Variants in EPB41L4A observed in about 807,000 individuals in gnomAD.
EPB41L4A encodes the protein erythrocyte membrane protein band 4.1 like 4A.
In EPB41L4A, 100 loss-of-function variants were observed where a neutral mutation model predicts 108.6. The observed-to-expected ratio is 0.92, with a 90% CI of 0.78 to 1.09. The LOEUF (loss-of-function observed/expected upper bound fraction) is 1.09, where lower values mean the gene tolerates loss of function less well. EPB41L4A is among the 50% of genes least tolerant of loss of function. EPB41L4A has a pLI of 0.00. For missense variants in EPB41L4A, 1,030 were observed against 842.7 expected (o/e 1.22, Z -2.75); for synonymous variants, 319 against 289.0 (o/e 1.10, Z -1.05).
At chr5:112,167,346 T>C (rs1290510037) in intron 22 of EPB41L4A, among the ~76,000 whole-genome samples, 1 of 152,214 alleles carries the variant, frequency 6.6e-6, no homozygotes, top group African/African-American at 2.4e-5. Context: ...CTGTCAACTT[T>C]AAACCAATCG....
At chr5:112,166,077 A>T (rs1190798257) in intron 22 of EPB41L4A, among the ~76,000 whole-genome samples, 1 of 152,242 alleles carries the variant, frequency 6.6e-6, no homozygotes, top group Non-Finnish European at 1.5e-5. Flanking sequence ...AGGACCTGAA[A>T]TAAGTACTAT....
At chr5:112,210,549 G>A (rs1003697287) in intron 12 of EPB41L4A, among the ~76,000 whole-genome samples, 1 of 152,128 alleles carries the variant, frequency 6.6e-6, no homozygotes, top group Non-Finnish European at 1.5e-5. Flanking sequence ...ATCTGAAACT[G>A]AATTTTTAAA....
chr5:112,395,528 A>C (rs1002176764), intron 1 of EPB41L4A, among the ~76,000 whole-genome samples: 1 of 152,232 alleles, frequency 6.6e-6, no homozygotes, highest in Non-Finnish European at 1.5e-5. Flanking sequence ...GAGAAATGCA[A>C]ATCAAAACCA....
chr5:112,203,343 G>A (rs918071112), intron 15 of EPB41L4A, among the ~76,000 whole-genome samples: 2 of 152,112 alleles, frequency 1.3e-5, no homozygotes, highest in Non-Finnish European at 2.9e-5. Context: ...GCATCAGAGC[G>A]AGACTCCATC....
rs116279521 is a variant in EPB41L4A, at chr5:112,237,356, A to G, written c.965+2304T>C. ...AGTCCGATTTTTCCCTTAAGTAAGC[A>G]CTAGTTTTCCCAAAAAGTGCTACCG... On this transcript the variant is annotated intron_variant, in intron 11 of 22. Coordinates refer to ENST00000261486, the MANE Select transcript of EPB41L4A (RefSeq NM_022140.5). 5.6e-3 allele frequency among the ~76,000 whole-genome samples: 860 copies of G among 152,260 alleles called. 8 individuals are homozygous for G. The highest frequency in any genetic ancestry group is 0.019 in the African/African-American group (809 of 41,556).
At chr5:112,381,113 AAC>A (rs1250691113) in intron 1 of EPB41L4A, among the ~76,000 whole-genome samples, 3 of 152,220 alleles carry the variant, frequency 2.0e-5, no homozygotes, top group Non-Finnish European at 2.9e-5. Flanking sequence ...AAAATGCATG[AAC>A]AGTTACACTA....
chr5:112,247,105 T>G (rs1750294413), intron 9 of EPB41L4A, among the ~76,000 whole-genome samples: 1 of 152,094 alleles, frequency 6.6e-6, no homozygotes, highest in Admixed American at 6.5e-5. Flanking sequence ...ACGACTTGTT[T>G]CTCAGAACAT....
intron 12 of EPB41L4A, among the ~76,000 whole-genome samples, chr5:112,153,370 A>C (rs1346191855): frequency 2.0e-5 from 3 of 150,546 alleles, no homozygotes; most frequent in Non-Finnish European, 4.4e-5. Context: ...TCTACTAAAA[A>C]TACAAAAAAT....
intron 12 of EPB41L4A, among the ~76,000 whole-genome samples, chr5:112,155,369 C>T (rs59043064): frequency 0.13 from 19,144 of 150,166 alleles, 1,276 homozygotes; most frequent in Non-Finnish European, 0.16. Context: ...TTAGCAACAA[C>T]CAAAAAAAAA....
chr5:112,275,707 A>T (rs1458345855), intron 3 of EPB41L4A, among the ~76,000 whole-genome samples: 1 of 151,766 alleles, frequency 6.6e-6, no homozygotes, highest in Non-Finnish European at 1.5e-5. Flanking sequence ...GTAATTTTTC[A>T]TAGTGAAGAA....
chr5:112,332,764 G>T (rs2150670144), intron 1 of EPB41L4A, among the ~76,000 whole-genome samples: 3 of 152,312 alleles, frequency 2.0e-5, no homozygotes, highest in Middle Eastern at 6.8e-3. Flanking sequence ...AGATATGGTG[G>T]AAGTTTGGCT....
chr5:112,315,945 TGA>T (rs1449508934), intron 1 of EPB41L4A, among the ~76,000 whole-genome samples: 1 of 152,190 alleles, frequency 6.6e-6, no homozygotes, highest in Non-Finnish European at 1.5e-5. Context: ...ACTTTTAAAA[TGA>T]GAGTAAATGC....
intron 1 of EPB41L4A, among the ~76,000 whole-genome samples, chr5:112,323,134 T>A (rs1276083996): frequency 6.6e-6 from 1 of 151,986 alleles, no homozygotes; most frequent in Non-Finnish European, 1.5e-5. Flanking sequence ...GTGGAAGATG[T>A]AACCAGAAGA....
chr5:112,347,202 G>A (rs2150719468), intron 1 of EPB41L4A, among the ~76,000 whole-genome samples: 1 of 152,284 alleles, frequency 6.6e-6, no homozygotes, highest in East Asian at 1.9e-4. Context: ...GCACACACAT[G>A]CATTTTCAGA....
rs750671193 is a variant in EPB41L4A, at chr5:112,205,514, TA to T, written c.1179-11del. 2.1e-5 allele frequency: 33 copies of T among 1,556,388 alleles called. No homozygotes were observed. Among genetic ancestry groups the T allele is most frequent in the Middle Eastern group, 1.7e-4 (1 of 5,832 alleles). ...CTTTGCTTTCTTAAAGCTTTAATTT[TA>T]AAAAAAAGTATGAGAAATAAATTAA... On this transcript the variant is annotated splice_polypyrimidine_tract_variant and intron_variant, in intron 13 of 22. Transcript: ENST00000261486.
chr5:112,339,123 G>A (rs1181412603), intron 1 of EPB41L4A, among the ~76,000 whole-genome samples: 1 of 152,272 alleles, frequency 6.6e-6, no homozygotes, highest in East Asian at 1.9e-4. Flanking sequence ...AGGTGCCAGC[G>A]AAGAGAGCAG....
chr5:112,246,464 C>T (rs1432503257), intron 9 of EPB41L4A, among the ~76,000 whole-genome samples: 2 of 151,984 alleles, frequency 1.3e-5, no homozygotes, highest in Non-Finnish European at 2.9e-5. Context: ...ATTTGGGGAC[C>T]CCAAACTCAT....
intron 13 of EPB41L4A, 134 bp from the exon 14 acceptor site, chr5:112,205,638 C>T: frequency 1.4e-6 from 1 of 691,858 alleles, no homozygotes; most frequent in Admixed American, 2.6e-5. Flanking sequence ...ATACCTGTGA[C>T]TCTAAAAAGA....
Position 112,164,937 on chromosome 5 carries a change from G to A in EPB41L4A, c.*53C>T, listed in dbSNP as rs922820737. On this transcript the variant is annotated 3_prime_UTR_variant, in exon 23 of 23. Coordinates refer to ENST00000261486, the MANE Select transcript of EPB41L4A (RefSeq NM_022140.5). ...AGATACCTATTTCACAGTTTCAAAAGTACCAGTGGCGCACACAACCTTCCC... is the reference window on the plus strand; with the variant it reads ...AGATACCTATTTCACAGTTTCAAAAATACCAGTGGCGCACACAACCTTCCC... The A allele has an allele frequency of 1.3e-6, 2 of 1,499,180 alleles. No individual in the cohort carries two copies. The highest frequency in any genetic ancestry group is 1.4e-5 in the African/African-American group (1 of 69,626). 92.9% of individuals were successfully genotyped at this position (1,499,180 alleles called of 1,614,324 possible).
Sources: gnomAD v4.1 joint callset for allele counts (sites outside exome capture counted in the v4.1 genomes callset) on GRCh38, gnomAD v4.1.1 for gene constraint, MANE v1.5 for transcripts, NCBI Gene and HGNC (gene_info 2026-07-23, HGNC 2026-07-21) for gene names.